Variants in STYX observed in about 807,000 individuals in gnomAD.
STYX encodes serine/threonine/tyrosine-interacting protein.
A neutral mutation model predicts 42.7 loss-of-function variants in STYX; 20 were observed. That is an observed-to-expected ratio of 0.47 (90% CI 0.33 to 0.68). The LOEUF (loss-of-function observed/expected upper bound fraction) is 0.68, where lower values mean the gene tolerates loss of function less well. STYX is among the 30% of genes least tolerant of loss of function. The pLI, the probability that STYX is intolerant of heterozygous loss-of-function variation, is 0.02. For missense variants in STYX, 226 were observed against 268.5 expected (o/e 0.84, Z 1.11); for synonymous variants, 78 against 81.9 (o/e 0.95, Z 0.26).
chr14:52,765,006 T>A (rs1252895127), intron 9 of STYX, among the ~76,000 whole-genome samples: 1 of 152,196 alleles, frequency 6.6e-6, no homozygotes, highest in Non-Finnish European at 1.5e-5. Flanking sequence ...GCCAATCCTA[T>A]TACCTGTTCC....
chr14:52,751,968 G>A (rs1881630371), intron 4 of STYX, among the ~76,000 whole-genome samples: 2 of 152,116 alleles, frequency 1.3e-5, no homozygotes, highest in East Asian at 3.9e-4. Flanking sequence ...TTCGAGACCA[G>A]CCTGGCCAAC....
intron 1 of STYX, among the ~76,000 whole-genome samples, chr14:52,739,565 G>T (rs186512251): frequency 1.8e-4 from 27 of 151,814 alleles, no homozygotes; most frequent in Admixed American, 6.6e-5. Context: ...TTATCATTAG[G>T]GGTACCATGA....
Position 52,772,406 on chromosome 14 carries a change from T to C in STYX, c.*1300T>C, listed in dbSNP as rs1252660367. 6.6e-6 allele frequency: 1 copy of C among 152,606 alleles called. No individual in the cohort carries two copies. Among genetic ancestry groups the C allele is most frequent in the Non-Finnish European group, 1.5e-5 (1 of 68,012 alleles). The allele number at this position is 152,606 out of a possible 1,614,324, so 9.5% of individuals were successfully genotyped here. On this transcript the variant is annotated 3_prime_UTR_variant, in exon 11 of 11. Coordinates refer to ENST00000354586, the MANE Select transcript of STYX (RefSeq NM_145251.4). ...ATAATTTGCTTTAGTAAAGTCACTT[T>C]ATGGATTTTTGGCTATGTTTTAGTT...
intron 4 of STYX, among the ~76,000 whole-genome samples, chr14:52,752,730 ATATT>A (rs1881669453): frequency 6.6e-6 from 1 of 152,072 alleles, no homozygotes; most frequent in African/African-American, 2.4e-5. Flanking sequence ...TACATTCCAT[ATATT>A]TATTCTTAAT....
chr14:52,761,783 G>A (rs1231542438), intron 9 of STYX, among the ~76,000 whole-genome samples: 3 of 151,004 alleles, frequency 2.0e-5, no homozygotes, highest in African/African-American at 4.9e-5. Context: ...GGTGGCTCAC[G>A]CCTGTAATCC....
In STYX at chr14:52,746,511, C is replaced by T. The variant is rs771722971; in HGVS notation, c.144+32C>T. 10 of 1,532,214 alleles carry T rather than the reference C, an allele frequency of 6.5e-6. No individual in the cohort carries two copies. In the Admixed American group the frequency reaches 9.8e-5, roughly 15 times the overall value. The allele number at this position is 1,532,214 out of a possible 1,614,324, so 94.9% of individuals were successfully genotyped here. A position where few individuals can be genotyped will look rare whatever the true frequency, so the allele number is the denominator to read the frequency against. On this transcript the variant is annotated intron_variant, in intron 3 of 10. Transcript: ENST00000354586. ...ACTTTGTTAGATTCATCAAGAGAGA[C>T]TTTTATTAACCAACTTTTCTTGGGT...
chr14:52,738,495 A>G (rs540752593), intron 1 of STYX, among the ~76,000 whole-genome samples: 8 of 152,334 alleles, frequency 5.3e-5, no homozygotes, highest in African/African-American at 1.9e-4. Context: ...TTGTTTTAAT[A>G]TAAAAATTGT....
intron 4 of STYX, among the ~76,000 whole-genome samples, chr14:52,755,000 T>A (rs1881792774): frequency 6.6e-6 from 1 of 152,202 alleles, no homozygotes; most frequent in African/African-American, 2.4e-5. Context: ...CATTATTTTA[T>A]GTAACTGGAA....
intron 4 of STYX, among the ~76,000 whole-genome samples, chr14:52,753,671 G>A (rs563595415): frequency 6.6e-6 from 1 of 152,060 alleles, no homozygotes; most frequent in African/African-American, 2.4e-5. Flanking sequence ...ACTTAGTACA[G>A]TGTAAGTGCT....
chr14:52,738,623 T>C (rs1331471030), intron 1 of STYX, among the ~76,000 whole-genome samples: 1 of 152,198 alleles, frequency 6.6e-6, no homozygotes. Context: ...GTTGAGGAAA[T>C]GCCACTCCAA....
chr14:52,758,818 C>A (rs1881976000), intron 8 of STYX, among the ~76,000 whole-genome samples: 1 of 152,142 alleles, frequency 6.6e-6, no homozygotes, highest in East Asian at 1.9e-4. Flanking sequence ...TTGTGATCCA[C>A]CTGCCTCGGC....
intron 4 of STYX, among the ~76,000 whole-genome samples, chr14:52,752,426 C>G (rs1224033739): frequency 6.6e-6 from 1 of 151,976 alleles, no homozygotes; most frequent in African/African-American, 2.4e-5. Flanking sequence ...GATTGCCCCA[C>G]TGCACTCCAG....
chr14:52,751,466 A>G (rs1226624579), intron 4 of STYX, among the ~76,000 whole-genome samples: 1 of 152,232 alleles, frequency 6.6e-6, no homozygotes, highest in Non-Finnish European at 1.5e-5. Flanking sequence ...ATATAAGAGT[A>G]TGAACATTTT....
chr14:52,737,386 T>C (rs1436984359), intron 1 of STYX, among the ~76,000 whole-genome samples: 1 of 152,220 alleles, frequency 6.6e-6, no homozygotes, highest in African/African-American at 2.4e-5. Context: ...TGTGGTACTT[T>C]CTACCTCATG....
intron 1 of STYX, 24 bp downstream of exon 1, chr14:52,730,555 C>T (rs1246795458): frequency 6.2e-7 from 1 of 1,611,138 alleles, no homozygotes; most frequent in Non-Finnish European, 8.5e-7. Flanking sequence ...GTGGCTGCCA[C>T]GCACAGGCCT....
chr14:52,746,076 C>A (rs1243140120), intron 2 of STYX, among the ~76,000 whole-genome samples: 1 of 151,974 alleles, frequency 6.6e-6, no homozygotes, highest in Non-Finnish European at 1.5e-5. Context: ...TGTCAACTGG[C>A]AAATATTTGA....
rs1470853306 is a variant in STYX at position 52,730,208 on chromosome 14, G to C, written c.-267G>C. On this transcript the variant is annotated 5_prime_UTR_variant, in exon 1 of 11. Transcript: ENST00000354586. ...CTGTGCTGGATCCTGGGCGGCCTGA[G>C]GGGTACGGAGACTCTGGGGGAGGGA... is the stretch of plus-strand genomic sequence containing the variant. The C allele has an allele frequency of 5.8e-6, 3 of 517,190 alleles. No homozygotes were observed. Among genetic ancestry groups the C allele is most frequent in the Non-Finnish European group, 1.0e-5 (3 of 289,308 alleles). The allele number at this position is 517,190 out of a possible 1,614,324, so 32.0% of individuals were successfully genotyped here. A position where few individuals can be genotyped will look rare whatever the true frequency, so the allele number is the denominator to read the frequency against.
intron 1 of STYX, among the ~76,000 whole-genome samples, chr14:52,734,005 C>T (rs1030584666): frequency 1.3e-5 from 2 of 152,130 alleles, no homozygotes; most frequent in Non-Finnish European, 2.9e-5. Context: ...GAAGAGGTGG[C>T]TTGCAATTGG....
At chr14:52,740,783 A>G (rs1881156503) in intron 1 of STYX, among the ~76,000 whole-genome samples, 1 of 152,214 alleles carries the variant, frequency 6.6e-6, no homozygotes, top group Admixed American at 6.5e-5. Flanking sequence ...TAAAATTTAT[A>G]TAGTGTAATG....
Sources: allele counts gnomAD v4.1 joint callset (sites outside exome capture counted in the v4.1 genomes callset), GRCh38; gene constraint gnomAD v4.1.1; transcripts MANE v1.5; gene names NCBI Gene and HGNC (gene_info 2026-07-23, HGNC 2026-07-21).